Variants in DPP10 observed in about 807,000 individuals in gnomAD.
DPP10 encodes dipeptidyl peptidase like 10.
A neutral mutation model predicts 120.9 loss-of-function variants in DPP10; 33 were observed. The observed-to-expected ratio is 0.27, with a 90% CI of 0.21 to 0.37. The LOEUF is 0.37. Among genes scored for constraint, DPP10 ranks in the 10% least tolerant of loss-of-function variants. The probability of loss-of-function intolerance (pLI) is 1.00; values close to 1 mark genes in which losing one functional copy is unlikely to be tolerated. For synonymous variants in DPP10, 337 were observed against 326.1 expected (o/e 1.03, Z -0.36); for missense variants, 816 against 942.8 (o/e 0.87, Z 1.76).
intron 2 of DPP10, among the ~76,000 whole-genome samples, chr2:115,315,214 C>A (rs1422738347): frequency 1.3e-5 from 2 of 151,748 alleles, no homozygotes; most frequent in Non-Finnish European, 2.9e-5. Flanking sequence ...AGATTTGACC[C>A]TTTGAAAGAG....
intron 3 of DPP10, among the ~76,000 whole-genome samples, chr2:115,380,374 C>T (rs2066216376): frequency 6.6e-6 from 1 of 152,084 alleles, no homozygotes; most frequent in Non-Finnish European, 1.5e-5. Flanking sequence ...AGGATTGCAG[C>T]CCCTGCCTTT....
intron 3 of DPP10, among the ~76,000 whole-genome samples, chr2:115,473,339 G>A (rs1296500879): frequency 1.3e-5 from 2 of 152,058 alleles, no homozygotes; most frequent in Non-Finnish European, 2.9e-5. Flanking sequence ...GGGACAAGCT[G>A]GGACAGTTCC....
chr2:115,343,901 G>T lies in DPP10; in HGVS notation c.260G>T (p.Arg87Leu). The T allele has an allele frequency of 6.2e-7, 1 of 1,609,800 alleles. No homozygotes were observed. Among genetic ancestry groups the T allele is most frequent in the Non-Finnish European group, 8.5e-7 (1 of 1,177,742 alleles). ...TTTGTGCTTCACGATCCAGAGGCTC[G>T]GTGGATCAATGGTAAGTGTATACCT... ...KDFVLHDPEA[R>L]WINDTDVVYK... The change falls in exon 3 of 26, where the codon CGG becomes CTG. Residue 87 changes from arginine (R) to leucine (L), a missense_variant. Physicochemically the swap from Arg to Leu is moderately radical, Grantham distance 102 (BLOSUM62 -2). Coordinates refer to ENST00000410059, the MANE Select transcript of DPP10 (RefSeq NM_020868.6).
At chr2:114,490,853 A>G (rs189261342) in intron 1 of DPP10, among the ~76,000 whole-genome samples, 251 of 152,240 alleles carry the variant, frequency 1.6e-3, no homozygotes, top group African/African-American at 5.7e-3. Context: ...GTTGAATTGA[A>G]TTTTATAGAA....
intron 1 of DPP10, among the ~76,000 whole-genome samples, chr2:115,049,286 C>A (rs7582444): frequency 0.15 from 22,071 of 151,944 alleles, 1,711 homozygotes; most frequent in African/African-American, 0.21. Flanking sequence ...TTAATGTATG[C>A]TAGATAGTGT....
Position 115,777,208 on chromosome 2 carries a change from A to G in DPP10, c.1222A>G (p.Ser408Gly). The change falls in exon 14 of 26, where the codon AGT becomes GGT. Residue 408 changes from serine (S) to glycine (G), a missense_variant and splice_region_variant. This residue lies in a region of DPP10 where 592 missense variants were observed against 649.0 expected (regional missense o/e 0.91). Coordinates refer to ENST00000410059, the MANE Select transcript of DPP10 (RefSeq NM_020868.6). ...ATCAATATTTTCTATTTCTTTGCAG[A>G]GTAAAAGTGAGCAAATTACCGTGCG... ...FHHVAMFLIQ[S>G]KSEQITVRHL... 6.2e-7 allele frequency: 1 copy of G among 1,612,616 alleles called. No homozygotes were observed. Among genetic ancestry groups the G allele is most frequent in the Non-Finnish European group, 8.5e-7 (1 of 1,178,980 alleles).
chr2:115,520,041 G>A (rs1297603653), intron 4 of DPP10, among the ~76,000 whole-genome samples: 8 of 152,160 alleles, frequency 5.3e-5, no homozygotes, highest in South Asian at 2.1e-4. Flanking sequence ...AAGGATGGCC[G>A]GGCGTCATGG....
intron 8 of DPP10, among the ~76,000 whole-genome samples, chr2:115,730,151 G>T (rs1397435196): frequency 1.3e-5 from 2 of 152,172 alleles, no homozygotes; most frequent in African/African-American, 4.8e-5. Context: ...GGAACCTGGG[G>T]TCTAAGAGTG....
chr2:115,665,483 A>G (rs1228006632), intron 5 of DPP10, among the ~76,000 whole-genome samples: 1 of 151,652 alleles, frequency 6.6e-6, no homozygotes, highest in Non-Finnish European at 1.5e-5. Flanking sequence ...TTAAAATAAG[A>G]AGCCAAACTT....
At chr2:115,548,790 C>T (rs542035918) in intron 5 of DPP10, among the ~76,000 whole-genome samples, 4 of 152,194 alleles carry the variant, frequency 2.6e-5, no homozygotes, top group East Asian at 3.9e-4. Flanking sequence ...AAATAGCATT[C>T]GCCTCCATCT....
chr2:115,781,165 A>C (rs1270793886), intron 16 of DPP10, among the ~76,000 whole-genome samples, 170 bp downstream of exon 16: 3 of 151,848 alleles, frequency 2.0e-5, no homozygotes, highest in African/African-American at 7.2e-5. Flanking sequence ...TTTTTTACAT[A>C]TTTTGTATAG....
rs902567259 is a variant in DPP10, at chr2:114,456,465, C to A, written c.60+13627C>A. 4.4e-4 allele frequency among the ~76,000 whole-genome samples: 67 copies of A among 152,142 alleles called. 1 individual carries two copies. Among genetic ancestry groups the A allele is most frequent in the African/African-American group, 1.6e-3 (67 of 41,430 alleles). Reference sequence around the variant, plus strand: ...AGGGTAAGAATATTAACAATAGCAACCATGTCAGAAATATATATGGGATTC... The same window carrying A: ...AGGGTAAGAATATTAACAATAGCAAACATGTCAGAAATATATATGGGATTC... On this transcript the variant is annotated intron_variant, in intron 1 of 25. Coordinates refer to ENST00000410059, the MANE Select transcript of DPP10 (RefSeq NM_020868.6).
intron 1 of DPP10, among the ~76,000 whole-genome samples, chr2:114,658,525 C>T (rs1697136643): frequency 6.6e-6 from 1 of 152,104 alleles, no homozygotes; most frequent in Non-Finnish European, 1.5e-5. Flanking sequence ...CAAAAATGCT[C>T]TTAGTTAAAA....
chr2:115,444,637 A>C (rs894653721), intron 3 of DPP10, among the ~76,000 whole-genome samples: 2 of 152,168 alleles, frequency 1.3e-5, no homozygotes, highest in Non-Finnish European at 2.9e-5. Context: ...AAAGTGTTTT[A>C]GTTTTCTGGG....
intron 1 of DPP10, among the ~76,000 whole-genome samples, chr2:114,634,433 A>ATTG (rs1235806978): frequency 6.6e-6 from 1 of 151,600 alleles, no homozygotes; most frequent in African/African-American, 2.4e-5. Context: ...GAGGCAGAGG[A>ATTG]GTTATTTGCC....
intron 1 of DPP10, among the ~76,000 whole-genome samples, chr2:115,170,443 C>A (rs1314935479): frequency 6.6e-6 from 1 of 152,006 alleles, no homozygotes; most frequent in African/African-American, 2.4e-5. Flanking sequence ...AAACTGAAAT[C>A]CATGAAGGAT....
At chr2:114,935,457 T>A (rs1696391734) in intron 1 of DPP10, among the ~76,000 whole-genome samples, 1 of 152,184 alleles carries the variant, frequency 6.6e-6, no homozygotes, top group Non-Finnish European at 1.5e-5. Flanking sequence ...AGCCATGTTA[T>A]GTGTAAGTAG....
At chr2:115,494,338 G>A (rs12993169) in intron 3 of DPP10, among the ~76,000 whole-genome samples, 78,595 of 151,976 alleles carry the variant, frequency 0.52, 22,892 homozygotes, top group Non-Finnish European at 0.67. Flanking sequence ...GCTTCTCTTT[G>A]CGAAGGAGAA....
chr2:115,611,581 A>T (rs1037430450), intron 5 of DPP10, among the ~76,000 whole-genome samples: 1 of 152,156 alleles, frequency 6.6e-6, no homozygotes, highest in South Asian at 2.1e-4. Flanking sequence ...CTCCAGAAAT[A>T]TGTATGGTTC....
Sources: allele counts gnomAD v4.1 joint callset (sites outside exome capture counted in the v4.1 genomes callset), GRCh38; gene constraint gnomAD v4.1.1; regional missense constraint gnomAD v4.1.1; transcripts MANE v1.5; gene names NCBI Gene and HGNC (gene_info 2026-07-23, HGNC 2026-07-21).